LARP4B: variants seen among roughly 807,000 people sequenced by gnomAD.
The protein encoded by LARP4B is La ribonucleoprotein 4B, also known as la-related protein 4B.
In LARP4B, 12 loss-of-function variants were observed where a neutral mutation model predicts 89.8. The observed-to-expected ratio is 0.13, with a 90% CI of 0.09 to 0.22. The LOEUF is 0.22. Among genes scored for constraint, LARP4B ranks in the 10% least tolerant of loss-of-function variants. The probability of loss-of-function intolerance (pLI) is 1.00; values close to 1 mark genes in which losing one functional copy is unlikely to be tolerated. For missense variants in LARP4B, 757 were observed against 947.7 expected (o/e 0.80, Z 2.64); for synonymous variants, 367 against 363.3 (o/e 1.01, Z -0.12).
intron 5 of LARP4B, among the ~76,000 whole-genome samples, chr10:849,633 G>A (rs946670618): frequency 2.0e-5 from 3 of 152,202 alleles, no homozygotes; most frequent in Non-Finnish European, 4.4e-5. Flanking sequence ...TGTACGCAGC[G>A]ACTTCCTTCC....
intron 1 of LARP4B, among the ~76,000 whole-genome samples, chr10:895,508 A>G (rs1192756127): frequency 2.0e-5 from 3 of 151,920 alleles, no homozygotes; most frequent in Non-Finnish European, 4.4e-5. Flanking sequence ...CAACCTGCCT[A>G]ACCAGGCTGG....
In LARP4B at chr10:812,904, A is replaced by T. The variant is rs761712085; in HGVS notation, c.*22T>A. 16 of 1,516,788 alleles carry T rather than the reference A, an allele frequency of 1.1e-5. No homozygotes were observed. The highest frequency in any genetic ancestry group is 1.3e-5 in the Non-Finnish European group (15 of 1,138,434). 94.0% of individuals were successfully genotyped at this position (1,516,788 alleles called of 1,614,324 possible). On this transcript the variant is annotated 3_prime_UTR_variant, in exon 18 of 18. Coordinates refer to ENST00000316157, the MANE Select transcript of LARP4B (RefSeq NM_015155.3). ...TTTGTGGTTAACACAGCGCTCTGCG[A>T]CCCCTCCCAGACGTACGGTTTTCAC...
intron 8 of LARP4B, among the ~76,000 whole-genome samples, chr10:836,014 C>CT (rs1833198081): frequency 6.6e-6 from 1 of 151,992 alleles, no homozygotes; most frequent in Non-Finnish European, 1.5e-5. Flanking sequence ...GCACTGGTGG[C>CT]TCAGGGAGTT....
At chr10:819,660 A>C (rs907968632) in intron 14 of LARP4B, 1 of 152,272 alleles carries the variant, frequency 6.6e-6, no homozygotes, top group African/African-American at 2.4e-5. Context: ...CAGGCACAAC[A>C]GTGCCCTGTG....
chr10:975,636 G>A, the LARP4B span, among the ~76,000 whole-genome samples: 1 of 152,258 alleles, frequency 6.6e-6, no homozygotes, highest in Non-Finnish European at 1.5e-5. Context: ...AAGCCAGGCA[G>A]TGTGAAGTGG....
intron 3 of LARP4B, among the ~76,000 whole-genome samples, chr10:874,570 T>C (rs748129555): frequency 4.3e-4 from 66 of 152,228 alleles, no homozygotes; most frequent in Admixed American, 3.5e-3. Flanking sequence ...TGTCTTACAT[T>C]GACATCTGTG....
At chr10:884,391 TC>T (rs1397716875) in intron 3 of LARP4B, 55 bp downstream of exon 3, 4 of 1,143,568 alleles carry the variant, frequency 3.5e-6, no homozygotes, top group Non-Finnish European at 5.3e-6. Context: ...TAAGGAAGTA[TC>T]TCTGAGCCTT....
In LARP4B at chr10:864,266, G is replaced by T; in HGVS notation, c.146C>A (p.Pro49Gln). 1 of 1,614,050 alleles carries T rather than the reference G, an allele frequency of 6.2e-7. No individual in the cohort carries two copies. The highest frequency in any genetic ancestry group is 8.5e-7 in the Non-Finnish European group (1 of 1,179,954). ...GTTCAGCTCTGAAACCTTAGTTGCT[G>T]GTACCTAGGAAGAAATGTAAGATAG... ...TSSIPPLSQVPATKVSELNPN... is the reference protein window; with the variant it reads ...TSSIPPLSQVQATKVSELNPN... Residue 49 changes from proline to glutamine, a missense_variant, in exon 4 of 18, where the codon CCA becomes CAA. Transcript: ENST00000316157.
chr10:959,830 C>T, the LARP4B span, among the ~76,000 whole-genome samples: 2 of 131,224 alleles, frequency 1.5e-5, no homozygotes, highest in African/African-American at 6.0e-5. Flanking sequence ...TCATTCCCAC[C>T]TCCTCGTCAT....
rs1327743009 is a variant in LARP4B, at chr10:825,838, A to G, written c.1158T>C (p.Asn386=). 6.2e-7 allele frequency: 1 copy of G among 1,613,104 alleles called. No individual in the cohort carries two copies. Among genetic ancestry groups the G allele is most frequent in the Non-Finnish European group, 8.5e-7 (1 of 1,179,366 alleles). Residue 386 remains asparagine, a synonymous_variant, in exon 12 of 18, where the codon AAT becomes AAC. Transcript: ENST00000316157. ...VTPFPNTGFI[N]GFTSPAFKPA... Reference sequence around the variant, plus strand: ...GCTTGAACGCTGGAGACGTAAACCCATTTATAAATCCAGTATTTGGAAATG... The same window carrying G: ...GCTTGAACGCTGGAGACGTAAACCCGTTTATAAATCCAGTATTTGGAAATG...
chr10:892,111 C>T (rs1836046039), intron 1 of LARP4B, among the ~76,000 whole-genome samples: 1 of 152,252 alleles, frequency 6.6e-6, no homozygotes, highest in Non-Finnish European at 1.5e-5. Context: ...AGTACTTCCA[C>T]ACAGCCGACC....
At chr10:837,154 A>C (rs923142869) in intron 7 of LARP4B, among the ~76,000 whole-genome samples, 3 of 152,236 alleles carry the variant, frequency 2.0e-5, no homozygotes, top group African/African-American at 7.2e-5. Flanking sequence ...GTTCACACTA[A>C]TACATTACAT....
the LARP4B span, among the ~76,000 whole-genome samples, chr10:945,485 G>C: frequency 6.6e-6 from 1 of 151,846 alleles, no homozygotes; most frequent in Non-Finnish European, 1.5e-5. Context: ...AGGAGATCGA[G>C]ACCATCCTGG....
intron 5 of LARP4B, among the ~76,000 whole-genome samples, chr10:852,553 G>C (rs1431173061): frequency 6.6e-6 from 1 of 152,178 alleles, no homozygotes; most frequent in African/African-American, 2.4e-5. Context: ...AGTGCCTCTT[G>C]TAAGACCAGA....
upstream of LARP4B, chr10:933,263 C>T (rs571304171): frequency 6.6e-6 from 1 of 152,148 alleles, no homozygotes; most frequent in East Asian, 1.9e-4. Context: ...CATGGTTAAC[C>T]GTGTACCTGT....
intron 3 of LARP4B, chr10:873,310 T>C (rs1178242962): frequency 1.0e-6 from 1 of 985,268 alleles, no homozygotes; most frequent in Non-Finnish European, 1.2e-6. Context: ...CAAATCCTAA[T>C]GACAACAGAG....
chr10:813,588 C>A (rs780346428), intron 17 of LARP4B, among the ~76,000 whole-genome samples: 1 of 152,150 alleles, frequency 6.6e-6, no homozygotes, highest in Non-Finnish European at 1.5e-5. Context: ...CCACGGTGGG[C>A]AATGGACCCT....
chr10:864,831 T>C (rs1834815620), intron 3 of LARP4B, among the ~76,000 whole-genome samples: 1 of 152,144 alleles, frequency 6.6e-6, no homozygotes, highest in Non-Finnish European at 1.5e-5. Flanking sequence ...CGCATGCCTG[T>C]AATCCCAGCT....
At chr10:965,647 G>T in the LARP4B span, among the ~76,000 whole-genome samples, 2 of 151,816 alleles carry the variant, frequency 1.3e-5, no homozygotes, top group African/African-American at 2.4e-5. Context: ...TTACATAATC[G>T]ATGAAACGGT....
Sources: allele counts gnomAD v4.1 joint callset (sites outside exome capture counted in the v4.1 genomes callset), GRCh38; gene constraint gnomAD v4.1.1; transcripts MANE v1.5; gene names NCBI Gene and HGNC (gene_info 2026-07-23, HGNC 2026-07-21).